Variants in ATF2 observed in about 807,000 individuals in gnomAD.
The protein encoded by ATF2 is activating transcription factor 2.
A neutral mutation model predicts 60.6 loss-of-function variants in ATF2; 24 were observed. That is an observed-to-expected ratio of 0.40 (90% CI 0.29 to 0.56). The LOEUF (loss-of-function observed/expected upper bound fraction) is 0.56. Among genes scored for constraint, ATF2 ranks in the 20% least tolerant of loss-of-function variants. The pLI is 0.54. For missense variants in ATF2, 433 were observed against 607.7 expected (o/e 0.71, Z 3.02); for synonymous variants, 206 against 215.4 (o/e 0.96, Z 0.38).
intron 12 of ATF2, among the ~76,000 whole-genome samples, chr2:175,086,772 TAAAGA>T (rs763245182): frequency 6.6e-6 from 1 of 152,096 alleles, no homozygotes; most frequent in African/African-American, 2.4e-5. Context: ...TTTAATCTCA[TAAAGA>T]AAATACTGTA....
At chr2:175,119,423 A>G (rs1309295472) in intron 5 of ATF2, among the ~76,000 whole-genome samples, 2 of 151,516 alleles carry the variant, frequency 1.3e-5, no homozygotes, top group African/African-American at 2.4e-5. Context: ...TTTGTTAACC[A>G]TTATGTCCCC....
intron 12 of ATF2, among the ~76,000 whole-genome samples, chr2:175,087,227 G>T (rs559087400): frequency 1.2e-3 from 176 of 152,240 alleles, no homozygotes; most frequent in African/African-American, 4.1e-3. Context: ...TTCTGAAGAT[G>T]AAGTAAAATA....
intron 12 of ATF2, among the ~76,000 whole-genome samples, chr2:175,090,974 T>C (rs1694505678): frequency 6.6e-6 from 1 of 152,168 alleles, no homozygotes; most frequent in Non-Finnish European, 1.5e-5. Flanking sequence ...CTAATAGTGG[T>C]AACCAGTGCT....
chr2:175,087,901 TTTAA>T (rs1264915295), intron 12 of ATF2, among the ~76,000 whole-genome samples: 1 of 152,212 alleles, frequency 6.6e-6, no homozygotes, highest in Non-Finnish European at 1.5e-5. Flanking sequence ...ATTCTCACAC[TTTAA>T]TTACTTGTTT....
chr2:175,111,729 A>T lies in ATF2; in HGVS notation c.742-75T>A, dbSNP rs184173304. On this transcript the variant is annotated intron_variant, in intron 9 of 13. Transcript: ENST00000264110. ...AGATTTGTACTTTACTGCTGTTGTA[A>T]TAATTTGAGACTTTAAGAATCAGAA... The T allele has an allele frequency of 1.3e-5, 16 of 1,246,526 alleles. No individual in the cohort carries two copies. In the East Asian group the frequency reaches 3.6e-4, roughly 28 times the overall value. The allele number at this position is 1,246,526 out of a possible 1,614,324, so 77.2% of individuals were successfully genotyped here. A position where few individuals can be genotyped will look rare whatever the true frequency, so the allele number is the denominator to read the frequency against.
chr2:175,081,709 G>C (rs212343), intron 12 of ATF2, among the ~76,000 whole-genome samples: 39,652 of 152,096 alleles, frequency 0.26, 6,120 homozygotes, highest in African/African-American at 0.44. Flanking sequence ...CATAAAAGCT[G>C]AGGCATGACA....
At chr2:175,143,071 T>A (rs1246608015) in intron 2 of ATF2, among the ~76,000 whole-genome samples, 2 of 152,144 alleles carry the variant, frequency 1.3e-5, no homozygotes, top group Non-Finnish European at 2.9e-5. Flanking sequence ...ATCCTAATAA[T>A]GTAAACTAAA....
In ATF2 at chr2:175,074,841, T is replaced by TG; in HGVS notation, c.1292-7dup. 1 of 1,613,158 alleles carries TG rather than the reference T, an allele frequency of 6.2e-7. No individual in the cohort carries two copies. The highest frequency in any genetic ancestry group is 1.3e-5 in the African/African-American group (1 of 74,972). ...ACTATCATCTTTATCAGCAGCTGGG[T>TG]GGAAAAAAGAAAAATTATTCATTTT... is the stretch of plus-strand genomic sequence containing the variant. On this transcript the variant is annotated splice_polypyrimidine_tract_variant and splice_region_variant and intron_variant, in intron 13 of 13. Coordinates refer to ENST00000264110, the MANE Select transcript of ATF2 (RefSeq NM_001880.4).
At chr2:175,118,480 C>G in intron 5 of ATF2, 111 bp from the exon 6 acceptor site, 1 of 905,316 alleles carries the variant, frequency 1.1e-6, no homozygotes, top group Non-Finnish European at 1.6e-6. Flanking sequence ...TGTTAATTCT[C>G]TCTTTGGAAA....
chr2:175,119,896 A>C (rs1479841568), intron 5 of ATF2, among the ~76,000 whole-genome samples: 7 of 151,712 alleles, frequency 4.6e-5, no homozygotes, highest in African/African-American at 1.7e-4. Flanking sequence ...TGGAACCATC[A>C]GACTTCAGAA....
intron 4 of ATF2, among the ~76,000 whole-genome samples, chr2:175,124,925 T>G (rs1697221383): frequency 6.6e-6 from 1 of 152,066 alleles, no homozygotes; most frequent in African/African-American, 2.4e-5. Context: ...TTAAAACAAG[T>G]GAAATTAACA....
intron 12 of ATF2, among the ~76,000 whole-genome samples, chr2:175,089,358 G>A (rs554612851): frequency 6.6e-6 from 1 of 152,146 alleles, no homozygotes; most frequent in Admixed American, 6.5e-5. Context: ...GGCCTAATAT[G>A]TATTTGGTAA....
At chr2:175,125,031 A>G (rs955162497) in intron 4 of ATF2, among the ~76,000 whole-genome samples, 4 of 151,968 alleles carry the variant, frequency 2.6e-5, no homozygotes, top group African/African-American at 7.2e-5. Context: ...TTTCTATAGG[A>G]CTCTCTCTGA....
At chr2:175,138,382 A>G (rs544781753) in intron 2 of ATF2, among the ~76,000 whole-genome samples, 22 of 152,284 alleles carry the variant, frequency 1.4e-4, no homozygotes, top group African/African-American at 5.3e-4. Flanking sequence ...CAAGCATCCA[A>G]CTCAGAGCTC....
At chr2:175,088,313 G>C (rs1694304964) in intron 12 of ATF2, among the ~76,000 whole-genome samples, 1 of 151,986 alleles carries the variant, frequency 6.6e-6, no homozygotes, top group Non-Finnish European at 1.5e-5. Flanking sequence ...AATCAAAAAG[G>C]TATTATAATG....
intron 1 of ATF2, chr2:175,167,760 T>C (rs1265932413): frequency 2.1e-6 from 1 of 470,646 alleles, no homozygotes; most frequent in Non-Finnish European, 4.4e-6. Flanking sequence ...CGTTATTCCT[T>C]TTTCCTCTGC....
chr2:175,099,102 CTTTTTTT>C (rs35356799), intron 10 of ATF2, among the ~76,000 whole-genome samples: 21 of 113,582 alleles, frequency 1.8e-4, no homozygotes, highest in Non-Finnish European at 2.6e-4. Flanking sequence ...TATTAAATTT[CTTTTTTT>C]TTTTTTTTTT....
At chr2:175,124,449 A>G (rs1443050574) in intron 4 of ATF2, among the ~76,000 whole-genome samples, 1 of 151,918 alleles carries the variant, frequency 6.6e-6, no homozygotes, top group Non-Finnish European at 1.5e-5. Flanking sequence ...AGGCTTGACC[A>G]CTCTCACCAG....
chr2:175,094,225 T>C (rs1259332883), intron 11 of ATF2, among the ~76,000 whole-genome samples: 1 of 151,764 alleles, frequency 6.6e-6, no homozygotes, highest in East Asian at 1.9e-4. Context: ...AAAACCAGTC[T>C]CTATTAAAAT....
Sources: allele counts gnomAD v4.1 joint callset (sites outside exome capture counted in the v4.1 genomes callset), GRCh38; gene constraint gnomAD v4.1.1; transcripts MANE v1.5; gene names NCBI Gene and HGNC (gene_info 2026-07-23, HGNC 2026-07-21).